Variants in PRKG1 observed in about 807,000 individuals in gnomAD.
PRKG1 encodes cGMP-dependent protein kinase 1.
PRKG1 carries 35 observed loss-of-function variants against 88.1 expected under a neutral mutation model. The observed-to-expected ratio is 0.40, with a 90% confidence interval of 0.30 to 0.53. The LOEUF is 0.53. Ranked by LOEUF, PRKG1 falls within the 20% of genes least tolerant of loss-of-function variation. The probability of loss-of-function intolerance (pLI) is 0.59; values close to 1 mark genes in which losing one functional copy is unlikely to be tolerated. For missense variants in PRKG1, 540 were observed against 839.8 expected, an observed-to-expected ratio of 0.64 and a Z score of 4.41; for synonymous variants, 303 against 292.5, an observed-to-expected ratio of 1.04 and a Z score of -0.37.
At chr10:51,929,426 C>T (rs1400956129) in intron 5 of PRKG1, among the ~76,000 whole-genome samples, 4 of 141,446 alleles carry the variant, frequency 2.8e-5, no homozygotes. Flanking sequence ...TGTTGGCTAA[C>T]TGCAACCTCC....
At chr10:51,799,683 T>C (rs990218164) in intron 3 of PRKG1, among the ~76,000 whole-genome samples, 3 of 151,900 alleles carry the variant, frequency 2.0e-5, no homozygotes, top group Non-Finnish European at 4.4e-5. Flanking sequence ...TATAAAAGTA[T>C]TTTGATGTTT....
chr10:51,841,254 G>C (rs1167762123), intron 4 of PRKG1, among the ~76,000 whole-genome samples: 1 of 152,060 alleles, frequency 6.6e-6, no homozygotes, highest in Admixed American at 6.5e-5. Flanking sequence ...ATCATTTATT[G>C]AACATGGACT....
chr10:51,425,788 A>G (rs2132715542), intron 2 of PRKG1, among the ~76,000 whole-genome samples: 1 of 152,310 alleles, frequency 6.6e-6, no homozygotes, highest in African/African-American at 2.4e-5. Context: ...GTGTTTCTGG[A>G]TTTGAGGTTT....
At chr10:51,453,622 G>T (rs1839501376) in intron 2 of PRKG1, among the ~76,000 whole-genome samples, 1 of 151,886 alleles carries the variant, frequency 6.6e-6, no homozygotes, top group African/African-American at 2.4e-5. Flanking sequence ...AGTTTTGAGG[G>T]TTCTTTTTGG....
At chr10:51,976,059 A>G (rs1843824845) in intron 5 of PRKG1, among the ~76,000 whole-genome samples, 3 of 152,078 alleles carry the variant, frequency 2.0e-5, no homozygotes, top group African/African-American at 7.2e-5. Flanking sequence ...TCAAAACTGC[A>G]GTAAGATACC....
intron 3 of PRKG1, among the ~76,000 whole-genome samples, chr10:51,782,972 G>C (rs1487745979): frequency 1.3e-5 from 2 of 152,008 alleles, no homozygotes; most frequent in Non-Finnish European, 2.9e-5. Flanking sequence ...TTTGACGCCT[G>C]TGCCGTATTG....
chr10:51,271,073 G>C (rs1839966889), intron 2 of PRKG1, among the ~76,000 whole-genome samples: 1 of 152,136 alleles, frequency 6.6e-6, no homozygotes, highest in Non-Finnish European at 1.5e-5. Context: ...TCATCCAATA[G>C]CTTTAGGATC....
chr10:51,525,482 A>G (rs1331630197), intron 3 of PRKG1, among the ~76,000 whole-genome samples: 1 of 152,118 alleles, frequency 6.6e-6, no homozygotes. Flanking sequence ...GCAGATCACG[A>G]GGTCAGGAAA....
chr10:51,053,047 T>C (rs868659917), intron 1 of PRKG1, among the ~76,000 whole-genome samples: 25 of 152,062 alleles, frequency 1.6e-4, no homozygotes, highest in African/African-American at 4.8e-4. Flanking sequence ...CTGGCCAACA[T>C]AGTGAAACCC....
rs549706379 is a variant in PRKG1 at position 52,133,961 on chromosome 10, G to A, written c.1001+56G>A. The A allele has an allele frequency of 1.6e-5, 22 of 1,372,144 alleles. No individual in the cohort carries two copies. In the East Asian group the frequency reaches 4.5e-4, roughly 28 times the overall value. The allele number at this position is 1,372,144 out of a possible 1,614,324, so 85.0% of individuals were successfully genotyped here. A position where few individuals can be genotyped will look rare whatever the true frequency, so the allele number is the denominator to read the frequency against. ...ACACTCATATCAGCAACACACATGA[G>A]TTCTTGGAATTAGACATCATTTTAT... On this transcript the variant is annotated intron_variant, in intron 8 of 17. Coordinates refer to ENST00000373980, the MANE Select transcript of PRKG1 (RefSeq NM_006258.4).
rs574580915 is a variant in PRKG1 at position 51,719,556 on chromosome 10, T to A, written c.593-85029T>A. Reference sequence around the variant, plus strand: ...GTAACTGTCATAGATTGGAGAACACTAAGGAGATACAACAGTTAAATGCAA... The same window carrying A: ...GTAACTGTCATAGATTGGAGAACACAAAGGAGATACAACAGTTAAATGCAA... On this transcript the variant is annotated intron_variant, in intron 3 of 17. Transcript: ENST00000373980. Among the ~76,000 whole-genome samples the A allele has an allele frequency of 2.0e-5, 3 of 152,208 alleles. No homozygotes were observed. In the South Asian group the frequency reaches 6.2e-4, roughly 32 times the overall value.
chr10:51,889,987 A>T (rs946510363), intron 4 of PRKG1, among the ~76,000 whole-genome samples: 1 of 151,828 alleles, frequency 6.6e-6, no homozygotes, highest in African/African-American at 2.4e-5. Context: ...GATTGCAAAA[A>T]TTTTCTCCCA....
chr10:51,651,920 T>A (rs1206609056), intron 3 of PRKG1, among the ~76,000 whole-genome samples: 2 of 152,138 alleles, frequency 1.3e-5, no homozygotes, highest in Non-Finnish European at 2.9e-5. Flanking sequence ...AATGATAGCA[T>A]CATTAACAAC....
In PRKG1 at chr10:51,808,637, G is replaced by A. The variant is rs955034565; in HGVS notation, c.698+3947G>A. On this transcript the variant is annotated intron_variant, in intron 4 of 17. Transcript: ENST00000373980. The stretch of plus-strand genomic sequence containing the variant: ...AAACAGAAACACCACTGCATATATA[G>A]GAAGGCTTACTTAATATTATAAAAA... Among the ~76,000 whole-genome samples, 4 of 151,980 alleles carry A rather than the reference G, an allele frequency of 2.6e-5. No homozygotes were observed. The East Asian group carries it at 7.7e-4, about 29-fold the overall frequency.
In PRKG1 at chr10:51,511,607, A is replaced by T. The variant is rs1039589303; in HGVS notation, c.592+43771A>T. 5.3e-5 allele frequency among the ~76,000 whole-genome samples: 8 copies of T among 152,350 alleles called. No homozygotes were observed. In the East Asian group the frequency reaches 5.8e-4, roughly 11 times the overall value. ...AATGTGGGTTAACCTTATTAGTCAT[A>T]GTGGAAATGTATATTAAACTTATAA... On this transcript the variant is annotated intron_variant, in intron 3 of 17. Transcript: ENST00000373980.
At chr10:52,118,890 A>C (rs1291759429) in intron 7 of PRKG1, among the ~76,000 whole-genome samples, 1 of 152,108 alleles carries the variant, frequency 6.6e-6, no homozygotes, top group African/African-American at 2.4e-5. Context: ...ATTTAACTTT[A>C]TACTATAATT....
chr10:51,214,609 C>T (rs1279235240), intron 2 of PRKG1, among the ~76,000 whole-genome samples: 1 of 151,992 alleles, frequency 6.6e-6, no homozygotes, highest in Non-Finnish European at 1.5e-5. Flanking sequence ...TACTTCCTAT[C>T]TGGGGCCAGA....
intron 3 of PRKG1, among the ~76,000 whole-genome samples, chr10:51,558,552 T>C (rs766209956): frequency 6.6e-5 from 10 of 152,050 alleles, no homozygotes; most frequent in Admixed American, 2.0e-4. Context: ...TGGGATGTCA[T>C]CAATGGTAAA....
chr10:51,068,389 C>A (rs1843781304), intron 1 of PRKG1: 1 of 152,016 alleles, frequency 6.6e-6, no homozygotes, highest in Admixed American at 6.6e-5. Flanking sequence ...TGACATCTTT[C>A]TCTTGCCCAA....
Sources: gnomAD v4.1 joint callset for allele counts (sites outside exome capture counted in the v4.1 genomes callset) on GRCh38, gnomAD v4.1.1 for gene constraint, MANE v1.5 for transcripts, NCBI Gene and HGNC (gene_info 2026-07-23, HGNC 2026-07-21) for gene names.